PCDHA2: variants seen among roughly 807,000 people sequenced by gnomAD.
The protein encoded by PCDHA2 is protocadherin alpha 2.
In PCDHA2, 58 loss-of-function variants were observed where a neutral mutation model predicts 66.0. The observed-to-expected ratio is 0.88, with a 90% CI of 0.71 to 1.09. The LOEUF (loss-of-function observed/expected upper bound fraction) is 1.09, where lower values mean the gene tolerates loss of function less well. Among genes scored for constraint, PCDHA2 ranks in the 50% least tolerant of loss-of-function variants. The pLI, the probability that PCDHA2 is intolerant of heterozygous loss-of-function variation, is 0.00. For missense variants in PCDHA2, 1,267 were observed against 1,242.3 expected, an observed-to-expected ratio of 1.02 and a Z score of -0.30; for synonymous variants, 634 against 554.0, an observed-to-expected ratio of 1.14 and a Z score of -2.03.
chr5:140,833,056 T>C (rs2150205806), intron 1 of PCDHA2, among the ~76,000 whole-genome samples: 1 of 152,172 alleles, frequency 6.6e-6, no homozygotes, highest in East Asian at 1.9e-4. Flanking sequence ...AAAAGTAATA[T>C]GAGAAAAACC....
At chr5:140,821,419 A>T (rs189071646) in intron 1 of PCDHA2, 32 of 183,592 alleles carry the variant, frequency 1.7e-4, no homozygotes, top group Non-Finnish European at 3.1e-4. Context: ...GAGTTTAATG[A>T]TATATTTTGA....
chr5:140,799,697 A>G (rs1455687365), intron 1 of PCDHA2, among the ~76,000 whole-genome samples: 1 of 152,152 alleles, frequency 6.6e-6, no homozygotes, highest in African/African-American at 2.4e-5. Context: ...AATATGAATG[A>G]TAAAATCTGA....
At chr5:140,892,803 A>T (rs1554185373) in intron 1 of PCDHA2, among the ~76,000 whole-genome samples, 1 of 152,174 alleles carries the variant, frequency 6.6e-6, no homozygotes. Context: ...ATTATAGTTA[A>T]CCATATTTAT....
chr5:140,938,899 A>C (rs1175857132), intron 1 of PCDHA2, among the ~76,000 whole-genome samples: 1 of 151,886 alleles, frequency 6.6e-6, no homozygotes, highest in Non-Finnish European at 1.5e-5. Flanking sequence ...ACAGATGCGC[A>C]CACACACACA....
At chr5:140,874,064 A>T (rs554642692) in intron 1 of PCDHA2, among the ~76,000 whole-genome samples, 17 of 152,334 alleles carry the variant, frequency 1.1e-4, no homozygotes, top group Admixed American at 1.1e-3. Flanking sequence ...AATTTAAATA[A>T]TTAGCCTGAT....
At chr5:140,823,768 C>T (rs1434729447) in intron 1 of PCDHA2, 8 of 1,613,736 alleles carry the variant, frequency 5.0e-6, no homozygotes, top group Non-Finnish European at 6.8e-6. Context: ...AGCCACAGTG[C>T]TGGTGTCGCT....
rs782152702 is a variant in PCDHA2, at chr5:140,797,217, G to A, written c.2253G>A (p.Ser751=). ...GCGCCGTGGGGAGCTGGTCTTACTC[G>A]CAGCAGAGGCGGCAGAGGGTGTGCT... ...CSSAVGSWSY[S]QQRRQRVCSG... is the part of the protein sequence containing the mutation. The change falls in exon 1 of 4, where the codon TCG becomes TCA. Residue 751 remains serine (S), a synonymous_variant. Coordinates refer to ENST00000526136, the MANE Select transcript of PCDHA2 (RefSeq NM_018905.3). 2.5e-6 allele frequency: 4 copies of A among 1,614,080 alleles called. No homozygotes were observed. The East Asian group carries it at 6.7e-5, about 27-fold the overall frequency.
chr5:140,823,262 G>T lies in PCDHA2; in HGVS notation c.2388+25910G>T, dbSNP rs2150124059. ...CTGGTGTCCTACTCGCTGGTGGAGC[G>T]GCGGGTGGGCGAGCGCCCGCTGTCG... On this transcript the variant is annotated intron_variant, in intron 1 of 3. Transcript: ENST00000526136. 4.2e-5 allele frequency: 67 copies of T among 1,612,822 alleles called. No homozygotes were observed. Among genetic ancestry groups the T allele is most frequent in the Non-Finnish European group, 5.3e-5 (63 of 1,179,778 alleles).
At chr5:140,839,904 A>G (rs2150301613) in intron 1 of PCDHA2, among the ~76,000 whole-genome samples, 18 of 152,076 alleles carry the variant, frequency 1.2e-4, no homozygotes, top group African/African-American at 4.3e-4. Context: ...AAGATGAAGT[A>G]ATAGAAGAAA....
intron 1 of PCDHA2, among the ~76,000 whole-genome samples, chr5:140,918,323 T>C (rs1554198562): frequency 7.2e-5 from 11 of 152,184 alleles, no homozygotes. Flanking sequence ...TATAAAATTA[T>C]ATTGTCTGCT....
chr5:140,800,671 G>A (rs1762587929), intron 1 of PCDHA2, among the ~76,000 whole-genome samples: 1 of 152,078 alleles, frequency 6.6e-6, no homozygotes, highest in South Asian at 2.1e-4. Context: ...TATAAAAAGC[G>A]AATAATATTA....
intron 1 of PCDHA2, among the ~76,000 whole-genome samples, chr5:140,888,289 C>T (rs543077496): frequency 1.3e-5 from 2 of 152,246 alleles, no homozygotes; most frequent in Admixed American, 1.3e-4. Flanking sequence ...CCTCTACCCC[C>T]TACCCAGGAG....
rs1310366696 is a variant in PCDHA2 at position 140,890,210 on chromosome 5, T to A, written c.2389-88739T>A. Among the ~76,000 whole-genome samples the A allele has an allele frequency of 5.3e-5, 8 of 152,148 alleles. 1 individual carries two copies. Among genetic ancestry groups the A allele is most frequent in the Admixed American group, 3.3e-4 (5 of 15,270 alleles). On this transcript the variant is annotated intron_variant, in intron 1 of 3. Coordinates refer to ENST00000526136, the MANE Select transcript of PCDHA2 (RefSeq NM_018905.3). ...AACAGAGTTTTTTGTTTTTCTTTTT[T>A]CCCAGAGACCTAGTTGTTAAGCATT... is the stretch of plus-strand genomic sequence containing the variant.
intron 1 of PCDHA2, chr5:140,928,682 C>T (rs782513735): frequency 6.2e-7 from 1 of 1,614,174 alleles, no homozygotes; most frequent in Non-Finnish European, 8.5e-7. Flanking sequence ...GCCTGGCTTT[C>T]CTACCACATC....
At chr5:140,887,062 C>A (rs1183265871) in intron 1 of PCDHA2, among the ~76,000 whole-genome samples, 2 of 151,718 alleles carry the variant, frequency 1.3e-5, no homozygotes, top group African/African-American at 4.8e-5. Flanking sequence ...GTTCTGGCAA[C>A]AAATTCACTC....
intron 1 of PCDHA2, chr5:140,822,583 G>A (rs772485263): frequency 6.2e-7 from 1 of 1,612,276 alleles, no homozygotes; most frequent in Non-Finnish European, 8.5e-7. Context: ...AGATGCAGAT[G>A]AGGGCATCAA....
At chr5:140,870,634 G>T in intron 1 of PCDHA2, 1 of 1,612,862 alleles carries the variant, frequency 6.2e-7, no homozygotes, top group Non-Finnish European at 8.5e-7. Context: ...GTCGGTGCAC[G>T]CGGAGAGCGG....
At chr5:141,006,130 TAGAAAGCTTAAGC>T (rs2098257447) in intron 3 of PCDHA2, among the ~76,000 whole-genome samples, 1 of 150,362 alleles carries the variant, frequency 6.7e-6, no homozygotes. Context: ...CTCAAGGCAG[TAGAAAGCTTAAGC>T]AGAGGAGTGA....
chr5:140,807,234 T>G (rs782807464), intron 1 of PCDHA2: 1 of 1,614,212 alleles, frequency 6.2e-7, no homozygotes, highest in South Asian at 1.1e-5. Flanking sequence ...CGTCTGCTGC[T>G]CTTACTTCTT....
Sources: allele counts gnomAD v4.1 joint callset (sites outside exome capture counted in the v4.1 genomes callset), GRCh38; gene constraint gnomAD v4.1.1; transcripts MANE v1.5; gene names NCBI Gene and HGNC (gene_info 2026-07-23, HGNC 2026-07-21).